The following TTC6 variants were observed in gnomAD, a reference collection of about 807,000 sequenced individuals.
The protein encoded by TTC6 is tetratricopeptide repeat protein 6.
A neutral mutation model predicts 210.4 loss-of-function variants in TTC6; 172 were observed. That is an observed-to-expected ratio of 0.82 (90% CI 0.72 to 0.93). The LOEUF (loss-of-function observed/expected upper bound fraction) is 0.93. Among genes scored for constraint, TTC6 ranks in the 40% least tolerant of loss-of-function variants. The probability of loss-of-function intolerance (pLI) is 0.00; values close to 1 mark genes in which losing one functional copy is unlikely to be tolerated. For synonymous variants in TTC6, 804 were observed against 819.6 expected, an observed-to-expected ratio of 0.98 and a Z score of 0.32; for missense variants, 2,414 against 2,318.1, an observed-to-expected ratio of 1.04 and a Z score of -0.85.
chr14:37,792,320 AC>A lies in TTC6; in HGVS notation c.3615del (p.Tyr1206ThrfsTer35). On this transcript the variant is annotated frameshift_variant, in exon 17 of 31. Transcript: ENST00000553443. LOFTEE classifies it high-confidence loss of function. ...CTCATACATCTGCTACACCTGGATA[AC>A]TACACGGAAGCTATTTGGCAATTTT... 2 of 1,532,682 alleles carry A rather than the reference AC, an allele frequency of 1.3e-6. No homozygotes were observed. Among genetic ancestry groups the A allele is most frequent in the Non-Finnish European group, 1.7e-6 (2 of 1,145,414 alleles). 94.9% of individuals were successfully genotyped at this position (1,532,682 alleles called of 1,614,324 possible). A position where few individuals can be genotyped will look rare whatever the true frequency, so the allele number is the denominator to read the frequency against.
At chr14:37,695,578 C>G (rs1406811547) in intron 3 of TTC6, among the ~76,000 whole-genome samples, 1 of 152,082 alleles carries the variant, frequency 6.6e-6, no homozygotes, top group Non-Finnish European at 1.5e-5. Flanking sequence ...GTCTTGAACT[C>G]CCGACCTCAG....
chr14:37,711,387 G>C (rs552337389), intron 5 of TTC6, among the ~76,000 whole-genome samples: 3 of 152,218 alleles, frequency 2.0e-5, no homozygotes, highest in African/African-American at 7.2e-5. Context: ...GGGAAACCAG[G>C]GAGTCAGACA....
intron 20 of TTC6, among the ~76,000 whole-genome samples, chr14:37,800,925 T>C (rs538077571): frequency 7.0e-4 from 106 of 152,218 alleles, no homozygotes; most frequent in African/African-American, 2.5e-3. Flanking sequence ...TGCAAACACG[T>C]ACAACCTTTC....
chr14:37,692,940 C>G lies in TTC6; in HGVS notation c.1258-3777C>G, dbSNP rs560697406. The stretch of plus-strand genomic sequence containing the variant: ...CATATGACAGACTCACAGCTAGTAT[C>G]ATACTGAATGGGGAAAACTGAAAGC... On this transcript the variant is annotated intron_variant, in intron 3 of 30. Transcript: ENST00000553443. Among the ~76,000 whole-genome samples the G allele has an allele frequency of 4.6e-5, 7 of 152,098 alleles. No individual in the cohort carries two copies. The South Asian group carries it at 1.5e-3, about 32-fold the overall frequency.
At chr14:37,724,571 T>C (rs2095867946) in intron 6 of TTC6, among the ~76,000 whole-genome samples, 1 of 152,190 alleles carries the variant, frequency 6.6e-6, no homozygotes, top group Non-Finnish European at 1.5e-5. Context: ...CATCTCCCCA[T>C]GCATGTGTGC....
chr14:37,641,435 T>C (rs1022342675), intron 1 of TTC6, among the ~76,000 whole-genome samples: 2 of 152,212 alleles, frequency 1.3e-5, no homozygotes, highest in African/African-American at 4.8e-5. Context: ...TTATCCCAAA[T>C]GAAAACAGTC....
At chr14:37,726,349 A>G (rs1312254405) in intron 7 of TTC6, among the ~76,000 whole-genome samples, 1 of 152,196 alleles carries the variant, frequency 6.6e-6, no homozygotes, top group African/African-American at 2.4e-5. Flanking sequence ...TCATCAATTT[A>G]TCTCCTAGCT....
chr14:37,816,261 A>C (rs569058059), intron 25 of TTC6, among the ~76,000 whole-genome samples: 40 of 152,138 alleles, frequency 2.6e-4, no homozygotes, highest in Non-Finnish European at 4.9e-4. Context: ...GCTCAGATTA[A>C]CCTTAATACT....
chr14:37,599,699 C>A (rs1361958432), intron 1 of TTC6, among the ~76,000 whole-genome samples: 2 of 152,178 alleles, frequency 1.3e-5, no homozygotes, highest in African/African-American at 4.8e-5. Flanking sequence ...AATCAACTCG[C>A]ATTTTCATGT....
At chr14:37,607,265 C>A (rs1339834766) in intron 2 of TTC6, among the ~76,000 whole-genome samples, 3 of 152,190 alleles carry the variant, frequency 2.0e-5, no homozygotes, top group Non-Finnish European at 2.9e-5. Context: ...GGTCCAGTGA[C>A]CGAGGGGCTC....
chr14:37,781,032 T>C lies in TTC6; in HGVS notation c.3267-6436T>C, dbSNP rs560370016. 4.6e-5 allele frequency among the ~76,000 whole-genome samples: 7 copies of C among 152,354 alleles called. No individual in the cohort carries two copies. The East Asian group carries it at 1.3e-3, about 29-fold the overall frequency. ...TTTTCTTAATCCATTCTATCATTGG[T>C]AGACATTTGAGTCAGTTCCAAGTCT... On this transcript the variant is annotated intron_variant, in intron 14 of 30. Coordinates refer to ENST00000553443, the Ensembl canonical transcript of TTC6.
At chr14:37,754,881 T>C (rs2139059395) in intron 14 of TTC6, among the ~76,000 whole-genome samples, 1 of 152,336 alleles carries the variant, frequency 6.6e-6, no homozygotes, top group Admixed American at 6.5e-5. Flanking sequence ...TGTGCATGTG[T>C]CATTATAGTA....
chr14:37,798,154 C>A lies in TTC6; in HGVS notation c.4029+1207C>A, dbSNP rs189780112. 3.9e-5 allele frequency among the ~76,000 whole-genome samples: 6 copies of A among 152,198 alleles called. No homozygotes were observed. The East Asian group carries it at 1.2e-3, about 29-fold the overall frequency. The stretch of plus-strand genomic sequence containing the variant: ...TCTTCAGCATTTACTCTGCCATATA[C>A]ATGTTAAATTTAGCTTGCCCAAGGT... On this transcript the variant is annotated intron_variant, in intron 20 of 30. Coordinates refer to ENST00000553443, the Ensembl canonical transcript of TTC6.
At chr14:37,633,334 T>A (rs2095673714) in intron 1 of TTC6, among the ~76,000 whole-genome samples, 1 of 152,174 alleles carries the variant, frequency 6.6e-6, no homozygotes, top group South Asian at 2.1e-4. Flanking sequence ...AATGCAATGT[T>A]CTTCATGGCA....
At position 37,819,789 on chromosome 14, in the gene TTC6, T is replaced by C. The variant is rs911436363; in HGVS notation, c.4763+2138T>C. On this transcript the variant is annotated intron_variant, in intron 26 of 30. Coordinates refer to ENST00000553443, the Ensembl canonical transcript of TTC6. ...TTTGTGATTTATTTGTACAACTCAG[T>C]AGGGCACATCTGGTCACGTATGTGA... Among the ~76,000 whole-genome samples, 4 of 152,316 alleles carry C rather than the reference T, an allele frequency of 2.6e-5. No homozygotes were observed. The East Asian group carries it at 7.7e-4, about 29-fold the overall frequency.
At chr14:37,736,482 A>G (rs149440422) in intron 8 of TTC6, among the ~76,000 whole-genome samples, 122 of 152,288 alleles carry the variant, frequency 8.0e-4, no homozygotes, top group African/African-American at 2.9e-3. Context: ...GTTATTCACT[A>G]ATCAATAGCA....
intron 1 of TTC6, among the ~76,000 whole-genome samples, chr14:37,652,872 A>G (rs1277558130): frequency 1.3e-5 from 2 of 152,224 alleles, no homozygotes; most frequent in Non-Finnish European, 2.9e-5. Context: ...GATGTCTGCA[A>G]TATTATATTT....
At chr14:37,622,240 C>T (rs779085328) in exon 1 of TTC6, 2 of 1,535,318 alleles carry the variant, frequency 1.3e-6, no homozygotes, top group East Asian at 2.5e-5. Flanking sequence ...GCCCCCGGCC[C>T]GGCCCGCCCC....
At chr14:37,609,382 C>T (rs1595004007) in intron 2 of TTC6, among the ~76,000 whole-genome samples, 2 of 152,266 alleles carry the variant, frequency 1.3e-5, no homozygotes, top group East Asian at 3.9e-4. Flanking sequence ...CCCCACTGCC[C>T]ACCAGCCTGG....
Sources: allele counts gnomAD v4.1 joint callset (sites outside exome capture counted in the v4.1 genomes callset), GRCh38; gene constraint gnomAD v4.1.1; transcripts MANE v1.5; gene names NCBI Gene and HGNC (gene_info 2026-07-23, HGNC 2026-07-21).